Variants in BAIAP2L2 observed in about 807,000 individuals in gnomAD.
BAIAP2L2 encodes the protein BAR/IMD domain-containing adapter protein 2-like 2.
Under a neutral mutation model 60.4 loss-of-function variants are expected in BAIAP2L2, and 65 were observed. The observed-to-expected ratio is 1.08, with a 90% confidence interval of 0.88 to 1.32. The LOEUF (loss-of-function observed/expected upper bound fraction) is 1.32. Among genes scored for constraint, BAIAP2L2 ranks in the 40% most tolerant of loss-of-function variants. The pLI, the probability that BAIAP2L2 is intolerant of heterozygous loss-of-function variation, is 0.00. For synonymous variants in BAIAP2L2, 344 were observed against 301.7 expected, an observed-to-expected ratio of 1.14 and a Z score of -1.45; for missense variants, 836 against 741.2, an observed-to-expected ratio of 1.13 and a Z score of -1.48.
At chr22:38,110,099 C>CAGAGAGAGGGAGAGAGAGAG (rs2086790178) in intron 1 of BAIAP2L2, among the ~76,000 whole-genome samples, 2 of 10,148 alleles carry the variant, frequency 2.0e-4, no homozygotes, top group Non-Finnish European at 4.2e-4. Flanking sequence ...GAGAGAGAGA[C>CAGAGAGAGGGAGAGAGAGAG]AGAGAGAGGG....
At position 38,085,666 on chromosome 22, in the gene BAIAP2L2, G is replaced by GC. The variant is rs775999920; in HGVS notation, c.1514+19dup. 5 of 1,611,894 alleles carry GC rather than the reference G, an allele frequency of 3.1e-6. No individual in the cohort carries two copies. In the African/African-American group the frequency reaches 6.7e-5, roughly 22 times the overall value. Reference sequence around the variant, plus strand: ...ACCTGCCACCCTCCTCACTGTTTGGGCCCCCATGTGAGGACTCACCTCGGG... The same window carrying GC: ...ACCTGCCACCCTCCTCACTGTTTGGGCCCCCCATGTGAGGACTCACCTCGGG... On this transcript the variant is annotated intron_variant, in intron 13 of 13. Coordinates refer to ENST00000381669, the MANE Select transcript of BAIAP2L2 (RefSeq NM_025045.6).
intron 7 of BAIAP2L2, among the ~76,000 whole-genome samples, chr22:38,092,928 C>T (rs75635849): frequency 6.6e-5 from 10 of 152,016 alleles, no homozygotes; most frequent in Non-Finnish European, 4.4e-5. Flanking sequence ...TTTGGGAGGC[C>T]GAGGTGGGTG....
rs776523105 is a variant in BAIAP2L2, at chr22:38,086,241, C to G, written c.1467+1G>C. ...CCAAGAGAGGGCGGGCAAGGGCTCA[C>G]CTTGACGTCAGTGGCAACTGCTGTG... On this transcript the variant is annotated splice_donor_variant, in intron 12 of 13. Transcript: ENST00000381669. LOFTEE classifies it high-confidence loss of function. The G allele has an allele frequency of 1.2e-6, 2 of 1,610,796 alleles. No homozygotes were observed. Among genetic ancestry groups the G allele is most frequent in the East Asian group, 4.5e-5 (2 of 44,870 alleles).
intron 4 of BAIAP2L2, among the ~76,000 whole-genome samples, chr22:38,102,978 G>A (rs738316): frequency 0.4 from 60,988 of 150,982 alleles, 13,424 homozygotes; most frequent in South Asian, 0.56. Context: ...CCTGGGAGGC[G>A]GAGCTTGCAG....
At chr22:38,093,203 C>T (rs2086349391) in intron 7 of BAIAP2L2, among the ~76,000 whole-genome samples, 1 of 151,516 alleles carries the variant, frequency 6.6e-6, no homozygotes, top group Admixed American at 6.6e-5. Flanking sequence ...TGGCACCCCA[C>T]CGGCTCCCTC....
chr22:38,109,249 G>A (rs369367602), intron 1 of BAIAP2L2, 41 bp from the exon 2 acceptor site: 8 of 1,525,162 alleles, frequency 5.2e-6, no homozygotes, highest in Non-Finnish European at 7.3e-6. Context: ...TGTAGAGATG[G>A]GGGAGCGAGA....
intron 10 of BAIAP2L2, 45 bp downstream of exon 10, chr22:38,088,703 C>G: frequency 5.5e-5 from 81 of 1,475,398 alleles, no homozygotes; most frequent in Middle Eastern, 2.2e-4. Context: ...GCCCCCAGGG[C>G]CTTCTTCTCA....
chr22:38,088,694 C>T (rs1233059810), intron 10 of BAIAP2L2, 54 bp downstream of exon 10: 6 of 1,504,102 alleles, frequency 4.0e-6, no homozygotes, highest in Middle Eastern at 2.2e-4. Context: ...GGGTTCCCGG[C>T]CCCCAGGGCC....
chr22:38,087,303 C>G, intron 10 of BAIAP2L2, 39 bp from the exon 11 acceptor site: 3 of 1,580,434 alleles, frequency 1.9e-6, no homozygotes, highest in Non-Finnish European at 2.6e-6. Context: ...CAAAAGAAGC[C>G]AGGCCTGGGG....
intron 10 of BAIAP2L2, among the ~76,000 whole-genome samples, chr22:38,088,116 C>G (rs931990999): frequency 7.2e-5 from 11 of 152,242 alleles, no homozygotes; most frequent in African/African-American, 2.7e-4. Context: ...CACTACCCTG[C>G]CCATGAAGCC....
chr22:38,098,042 C>T (rs770085261), intron 6 of BAIAP2L2, 21 bp downstream of exon 6: 2 of 1,584,716 alleles, frequency 1.3e-6, no homozygotes, highest in East Asian at 2.2e-5. Context: ...CTGGCCCACC[C>T]CCGCTTCCCG....
At chr22:38,086,048 C>G (rs1163183780) in intron 12 of BAIAP2L2, among the ~76,000 whole-genome samples, 194 bp downstream of exon 12, 4 of 152,224 alleles carry the variant, frequency 2.6e-5, no homozygotes, top group Non-Finnish European at 5.9e-5. Flanking sequence ...AGGCCACACC[C>G]TGTCCTGGGA....
intron 10 of BAIAP2L2, among the ~76,000 whole-genome samples, chr22:38,087,890 A>ACC (rs397824711): frequency 0.011 from 1,283 of 115,806 alleles, 37 homozygotes; most frequent in African/African-American, 0.018. Context: ...CCAGTCAGTG[A>ACC]CCCCCCCCCC....
intron 11 of BAIAP2L2, 114 bp downstream of exon 11, chr22:38,087,010 A>AAC: frequency 2.3e-6 from 3 of 1,281,272 alleles, no homozygotes; most frequent in Non-Finnish European, 1.0e-6. Flanking sequence ...AAAAAAAAAC[A>AAC]AAACAAAACA....
chr22:38,102,985 G>A (rs548555534), intron 4 of BAIAP2L2, among the ~76,000 whole-genome samples: 1 of 151,596 alleles, frequency 6.6e-6, no homozygotes, highest in Non-Finnish European at 1.5e-5. Context: ...GGCGGAGCTT[G>A]CAGTGAGCCG....
At position 38,109,202 on chromosome 22, in the gene BAIAP2L2, T is replaced by C. The variant is rs776202252; in HGVS notation, c.58A>G (p.Met20Val). ...RSTMAIYKSI[M>V]EQFNPALENL... is the part of the protein sequence containing the mutation. ...TCCAGGGCGGGGTTAAACTGCTCCA[T>C]GATGCTCTGGACCCCAGGGTCAGGG... is the stretch of plus-strand genomic sequence containing the variant. Residue 20 changes from methionine (M) to valine (V), a missense_variant, in exon 2 of 14, where the codon ATG (methionine) becomes GTG (valine). Transcript: ENST00000381669. 6 of 1,611,444 alleles carry C rather than the reference T, an allele frequency of 3.7e-6. No homozygotes were observed. The highest frequency in any genetic ancestry group is 3.3e-5 in the Admixed American group (2 of 59,956).
chr22:38,108,244 G>C lies in BAIAP2L2; in HGVS notation c.214+11C>G. The C allele has an allele frequency of 1.2e-6, 2 of 1,610,328 alleles. No individual in the cohort carries two copies. Among genetic ancestry groups the C allele is most frequent in the Non-Finnish European group, 1.7e-6 (2 of 1,178,564 alleles). On this transcript the variant is annotated intron_variant, in intron 3 of 13. Coordinates refer to ENST00000381669, the MANE Select transcript of BAIAP2L2 (RefSeq NM_025045.6). ...CCAAGAATGGGGTCTGCTGTGGAGG[G>C]GGAGCCTCACCCAGAATCTGTGAGG...
At chr22:38,089,467 C>T (rs1429981907) in intron 8 of BAIAP2L2, 55 bp downstream of exon 8, 39 of 1,059,912 alleles carry the variant, frequency 3.7e-5, no homozygotes, top group Non-Finnish European at 4.5e-5. Context: ...AGGCCCCGGG[C>T]CCCCGCGGGG....
chr22:38,108,986 C>A (rs1287800829), intron 2 of BAIAP2L2, 147 bp downstream of exon 2: 3 of 722,456 alleles, frequency 4.2e-6, no homozygotes, highest in Non-Finnish European at 7.1e-6. Context: ...TCTCTGGCTG[C>A]AGAGGTGTGA....
Sources: allele counts gnomAD v4.1 joint callset (sites outside exome capture counted in the v4.1 genomes callset), GRCh38; gene constraint gnomAD v4.1.1; transcripts MANE v1.5; gene names NCBI Gene and HGNC (gene_info 2026-07-23, HGNC 2026-07-21).